VBP1: variants seen among roughly 807,000 people sequenced by gnomAD.
VBP1 encodes VHL binding protein 1, also known as prefoldin subunit 3.
VBP1 carries 4 observed loss-of-function variants against 15.5 expected under a neutral mutation model. That is an observed-to-expected ratio of 0.26 (90% CI 0.13 to 0.59). The LOEUF (loss-of-function observed/expected upper bound fraction) is 0.59. Ranked by LOEUF, VBP1 falls within the 20% of genes least tolerant of loss-of-function variation. VBP1 has a pLI of 0.90. For missense variants in VBP1, 108 were observed against 139.6 expected (o/e 0.77, Z 1.14); for synonymous variants, 61 against 52.1 (o/e 1.17, Z -0.74).
chrX:155,225,547 T>G lies in VBP1; in HGVS notation c.219-1688T>G, dbSNP rs782029454. ...AGCAGGGTAGGGAGGAGTGTATTGC[T>G]TGGGCATGTGCTGTGTCATTGGTGG... On this transcript the variant is annotated intron_variant, in intron 2 of 5. Transcript: ENST00000286428. Among the ~76,000 whole-genome samples the G allele has an allele frequency of 7.3e-4, 82 of 111,964 alleles. 3 individuals are homozygous for G. The South Asian group carries it at 0.03, about 41-fold the overall frequency.
intron 2 of VBP1, among the ~76,000 whole-genome samples, chrX:155,222,765 C>G (rs1221681201): frequency 9.0e-6 from 1 of 111,032 alleles, no homozygotes; most frequent in Non-Finnish European, 1.9e-5. Flanking sequence ...CAGTGTTTGT[C>G]TAGTGTTTTA....
At position 155,238,993 on chromosome X, in the gene VBP1, A is replaced by C; in HGVS notation, c.*151A>C. 1 of 355,857 alleles carries C rather than the reference A, an allele frequency of 2.8e-6. No homozygotes were observed. The highest frequency in any genetic ancestry group is 4.6e-6 in the Non-Finnish European group (1 of 218,096). The allele number at this position is 355,857 out of a possible 1,213,427, so 29.3% of individuals were successfully genotyped here. A position where few individuals can be genotyped will look rare whatever the true frequency, so the allele number is the denominator to read the frequency against. ...TTTATTTATTTATAAAAACAAAATT[A>C]GTTTCAAATATTTTTGACATTGTGA... On this transcript the variant is annotated 3_prime_UTR_variant, in exon 6 of 6. Transcript: ENST00000286428.
intron 5 of VBP1, among the ~76,000 whole-genome samples, chrX:155,237,630 C>A (rs373334068): frequency 8.9e-6 from 1 of 111,742 alleles, no homozygotes; most frequent in Non-Finnish European, 1.9e-5. Flanking sequence ...ATTGTACACA[C>A]TCCCCAATTG....
intron 1 of VBP1, among the ~76,000 whole-genome samples, chrX:155,203,180 A>G (rs1289691672): frequency 2.7e-5 from 3 of 111,448 alleles, no homozygotes; most frequent in African/African-American, 6.5e-5. Context: ...AACTAGTTCA[A>G]CCATTGTGGA....
At chrX:155,200,980 AC>A (rs1259166228) in intron 1 of VBP1, among the ~76,000 whole-genome samples, 1 of 111,168 alleles carries the variant, frequency 9.0e-6, no homozygotes, top group African/African-American at 3.3e-5. Flanking sequence ...CACTACAAAC[AC>A]CTCTGCGCAA....
intron 1 of VBP1, among the ~76,000 whole-genome samples, chrX:155,219,332 T>C (rs1458167492): frequency 8.9e-6 from 1 of 112,490 alleles, no homozygotes; most frequent in East Asian, 2.8e-4. Context: ...TCTAATTAAC[T>C]AGCCTTTCTT....
intron 1 of VBP1, chrX:155,208,780 TA>T (rs1453422946): frequency 2.1e-6 from 1 of 486,143 alleles, no homozygotes; most frequent in Non-Finnish European, 3.3e-6. Flanking sequence ...ATATTTACTC[TA>T]GGGGGCTACT....
At chrX:155,199,581 C>A (rs1285086890) in intron 1 of VBP1, among the ~76,000 whole-genome samples, 2 of 111,648 alleles carry the variant, frequency 1.8e-5, no homozygotes, top group Non-Finnish European at 3.8e-5. Context: ...CACCACCAGG[C>A]CTGCCCTAAA....
intron 1 of VBP1, among the ~76,000 whole-genome samples, chrX:155,207,773 C>T (rs1401871662): frequency 8.9e-6 from 1 of 111,895 alleles, no homozygotes; most frequent in Non-Finnish European, 1.9e-5. Context: ...GGGACCCTAT[C>T]TCTAGTCTGT....
chrX:155,237,816 A>G (rs1428657208), intron 5 of VBP1, among the ~76,000 whole-genome samples: 1 of 112,067 alleles, frequency 8.9e-6, no homozygotes, highest in African/African-American at 3.2e-5. Flanking sequence ...CTTAACACAT[A>G]CTGCTTAGTT....
intron 4 of VBP1, among the ~76,000 whole-genome samples, chrX:155,231,883 G>A (rs782781365): frequency 6.4e-4 from 71 of 111,453 alleles, no homozygotes; most frequent in Non-Finnish European, 1.3e-3. Context: ...AGTGAGCGGT[G>A]CTGTAGTAAA....
chrX:155,237,377 C>T (rs1349943477), intron 5 of VBP1, among the ~76,000 whole-genome samples: 1 of 112,056 alleles, frequency 8.9e-6, no homozygotes, highest in African/African-American at 3.2e-5. Context: ...GCTCCAAAAC[C>T]TGCACTCAGA....
chrX:155,221,481 A>G (rs1308678615), intron 2 of VBP1, among the ~76,000 whole-genome samples: 1 of 111,885 alleles, frequency 8.9e-6, no homozygotes, highest in African/African-American at 3.3e-5. Flanking sequence ...AGCCTCGGCA[A>G]AAGTGCGAGA....
intron 1 of VBP1, among the ~76,000 whole-genome samples, chrX:155,201,119 T>C (rs1404325580): frequency 1.8e-5 from 2 of 110,738 alleles, no homozygotes; most frequent in African/African-American, 6.6e-5. Flanking sequence ...CAATAATCAA[T>C]AGCTTACCAA....
chrX:155,200,505 G>A (rs1751145216), intron 1 of VBP1, among the ~76,000 whole-genome samples: 1 of 111,307 alleles, frequency 9.0e-6, no homozygotes, highest in South Asian at 3.8e-4. Context: ...GGTCCTGAAT[G>A]ACTACTGGGT....
At chrX:155,223,770 C>A (rs1293770949) in intron 2 of VBP1, among the ~76,000 whole-genome samples, 2 of 100,949 alleles carry the variant, frequency 2.0e-5, no homozygotes, top group African/African-American at 7.3e-5. Context: ...CCAGACGGGG[C>A]GGCCGGGCAG....
intron 2 of VBP1, among the ~76,000 whole-genome samples, chrX:155,210,958 G>A (rs1214463332): frequency 6.3e-5 from 7 of 111,795 alleles, no homozygotes; most frequent in African/African-American, 2.3e-4. Flanking sequence ...CGTTATTTTT[G>A]AGCCATCATC....
At chrX:155,209,580 A>G (rs1481002961) in intron 2 of VBP1, among the ~76,000 whole-genome samples, 3 of 112,476 alleles carry the variant, frequency 2.7e-5, no homozygotes, top group Non-Finnish European at 5.6e-5. Flanking sequence ...TTGAACAAAG[A>G]AGTGGAAGTA....
intron 2 of VBP1, among the ~76,000 whole-genome samples, chrX:155,224,087 G>A (rs782684191): frequency 1.7e-4 from 18 of 108,700 alleles, no homozygotes; most frequent in African/African-American, 5.7e-4. Flanking sequence ...ACGGGATGAC[G>A]GCCTGGAAGA....
Sources: gnomAD v4.1 joint callset for allele counts (sites outside exome capture counted in the v4.1 genomes callset) on GRCh38, gnomAD v4.1.1 for gene constraint, MANE v1.5 for transcripts, NCBI Gene and HGNC (gene_info 2026-07-23, HGNC 2026-07-21) for gene names.